The following CEP83 variants were observed in gnomAD, a reference collection of about 807,000 sequenced individuals.
The protein encoded by CEP83 is centrosomal protein of 83 kDa.
Under a neutral mutation model 101.9 loss-of-function variants are expected in CEP83, and 70 were observed. The ratio of observed to expected loss-of-function variants is 0.69; its 90% CI spans 0.57 to 0.84. The LOEUF is 0.84. Ranked by LOEUF, CEP83 falls within the 40% of genes least tolerant of loss-of-function variation. The pLI, the probability that CEP83 is intolerant of heterozygous loss-of-function variation, is 0.00. For synonymous variants in CEP83, 264 were observed against 267.9 expected (o/e 0.99, Z 0.14); for missense variants, 715 against 787.2 (o/e 0.91, Z 1.10).
intron 14 of CEP83, among the ~76,000 whole-genome samples, chr12:94,319,782 A>G (rs898403741): frequency 4.6e-5 from 7 of 152,124 alleles, no homozygotes; most frequent in African/African-American, 7.2e-5. Context: ...TGTGTGGTCA[A>G]TTTCAGAGTA....
the CEP83 span, among the ~76,000 whole-genome samples, chr12:94,271,558 T>G: frequency 6.6e-6 from 1 of 152,314 alleles, no homozygotes; most frequent in African/African-American, 2.4e-5. Context: ...CTGATAGTCT[T>G]GGGTTTGAAT....
the CEP83 span, chr12:94,277,891 C>G: frequency 2.2e-6 from 1 of 455,228 alleles, no homozygotes; most frequent in South Asian, 1.6e-5. Flanking sequence ...TTATTACACC[C>G]ATTTTTAAGT....
At chr12:94,382,894 GGT>G (rs2061928555) in intron 6 of CEP83, among the ~76,000 whole-genome samples, 1 of 151,912 alleles carries the variant, frequency 6.6e-6, no homozygotes, top group South Asian at 2.1e-4. Context: ...GATGGTTGAT[GGT>G]GTTATTGCGT....
chr12:94,306,922 A>C (rs1969086520), downstream of CEP83: 1 of 152,214 alleles, frequency 6.6e-6, no homozygotes, highest in Admixed American at 6.5e-5. Context: ...ACAGATCAGA[A>C]TAAAGGTGAG....
chr12:94,293,071 T>C, the CEP83 span, among the ~76,000 whole-genome samples: 1 of 152,208 alleles, frequency 6.6e-6, no homozygotes, highest in African/African-American at 2.4e-5. Flanking sequence ...TTTCAAGCTC[T>C]ATGTAAATGG....
At chr12:94,379,399 A>G (rs1347877063) in intron 6 of CEP83, among the ~76,000 whole-genome samples, 1 of 152,198 alleles carries the variant, frequency 6.6e-6, no homozygotes, top group Admixed American at 6.5e-5. Context: ...TGACTACTCC[A>G]AAGCTTTTCC....
At chr12:94,291,281 G>C in the CEP83 span, among the ~76,000 whole-genome samples, 1 of 152,230 alleles carries the variant, frequency 6.6e-6, no homozygotes, top group Non-Finnish European at 1.5e-5. Context: ...TGTTGCCCAG[G>C]CTGGAGTGCA....
At position 94,349,060 on chromosome 12, in the gene CEP83, T is replaced by C. The variant is rs140233164; in HGVS notation, c.1344-13396A>G. Among the ~76,000 whole-genome samples the C allele has an allele frequency of 7.8e-4, 119 of 152,042 alleles. 1 individual carries two copies. The East Asian group carries it at 0.022, about 28-fold the overall frequency. On this transcript the variant is annotated intron_variant, in intron 11 of 16. Coordinates refer to ENST00000397809, the MANE Select transcript of CEP83 (RefSeq NM_016122.3). ...CAGCACTTTGGGAGGCCGAGGTGGGTGGATCACCTGAGATCAGGAGTTCAA... is the reference window on the plus strand; with the variant it reads ...CAGCACTTTGGGAGGCCGAGGTGGGCGGATCACCTGAGATCAGGAGTTCAA...
At chr12:94,337,412 A>T (rs73370315) in intron 11 of CEP83, among the ~76,000 whole-genome samples, 17,114 of 152,152 alleles carry the variant, frequency 0.11, 1,611 homozygotes, top group African/African-American at 0.26. Context: ...TTTTTGGAGA[A>T]AATTAGTCCA....
intron 1 of CEP83, among the ~76,000 whole-genome samples, chr12:94,440,354 T>C (rs2066306874): frequency 1.3e-5 from 2 of 152,046 alleles, no homozygotes; most frequent in Admixed American, 1.3e-4. Flanking sequence ...GATACAAAAT[T>C]GATGTACACA....
At chr12:94,372,890 C>T (rs2061366774) in intron 8 of CEP83, among the ~76,000 whole-genome samples, 1 of 152,138 alleles carries the variant, frequency 6.6e-6, no homozygotes, top group Non-Finnish European at 1.5e-5. Context: ...TTTCTATTAT[C>T]CTAACATCAC....
chr12:94,370,678 T>C (rs2061261400), intron 8 of CEP83, among the ~76,000 whole-genome samples: 1 of 152,204 alleles, frequency 6.6e-6, no homozygotes, highest in Non-Finnish European at 1.5e-5. Context: ...GCACTTGGCC[T>C]GAAACCTTCC....
At chr12:94,455,766 C>T (rs964143073) in intron 1 of CEP83, among the ~76,000 whole-genome samples, 11 of 152,210 alleles carry the variant, frequency 7.2e-5, no homozygotes, top group South Asian at 2.1e-4. Context: ...AATAGTAGGC[C>T]GGGCGCATTG....
At chr12:94,351,286 TC>T (rs1391046282) in intron 11 of CEP83, among the ~76,000 whole-genome samples, 1 of 152,058 alleles carries the variant, frequency 6.6e-6, no homozygotes, top group Non-Finnish European at 1.5e-5. Flanking sequence ...AGGCCCTGAA[TC>T]CGGTACAGGG....
Position 94,375,744 on chromosome 12 carries a change from T to C in CEP83, c.933+142A>G, listed in dbSNP as rs148189298. 5.2e-4 allele frequency: 234 copies of C among 453,594 alleles called. 2 individuals are homozygous for C. In the East Asian group the frequency reaches 8.3e-3, roughly 16 times the overall value. 28.1% of individuals were successfully genotyped at this position (453,594 alleles called of 1,614,324 possible). A position where few individuals can be genotyped will look rare whatever the true frequency, so the allele number is the denominator to read the frequency against. Reference sequence around the variant, plus strand: ...AGAGGCATAAGATAACATACTCTACTGATCAATGTATTTATTTCTTAGAAG... The same window carrying C: ...AGAGGCATAAGATAACATACTCTACCGATCAATGTATTTATTTCTTAGAAG... On this transcript the variant is annotated intron_variant, in intron 8 of 16. Transcript: ENST00000397809.
the CEP83 span, among the ~76,000 whole-genome samples, chr12:94,273,758 G>C: frequency 6.6e-6 from 1 of 152,248 alleles, no homozygotes; most frequent in Non-Finnish European, 1.5e-5. Context: ...ATCAATAGAC[G>C]AATCTACCTC....
chr12:94,388,541 T>C (rs996757507), intron 6 of CEP83, among the ~76,000 whole-genome samples: 1 of 150,542 alleles, frequency 6.6e-6, no homozygotes, highest in African/African-American at 2.4e-5. Flanking sequence ...CTCAGCATCA[T>C]GCAATACACC....
At position 94,441,842 on chromosome 12, in the gene CEP83, G is replaced by A. The variant is rs543709586; in HGVS notation, c.-154-6515C>T. ...AGGCAGGAGAATGGTGTGAACCCAG[G>A]AGGCAGAGCTTGCAGTGAGCCGAGA... On this transcript the variant is annotated intron_variant, in intron 1 of 16. Transcript: ENST00000397809. Among the ~76,000 whole-genome samples, 29 of 148,184 alleles carry A rather than the reference G, an allele frequency of 2.0e-4. No homozygotes were observed. In the South Asian group the frequency reaches 5.8e-3, roughly 29 times the overall value.
chr12:94,304,765 G>A (rs928753336), downstream of CEP83, among the ~76,000 whole-genome samples: 3 of 152,154 alleles, frequency 2.0e-5, no homozygotes, highest in Non-Finnish European at 2.9e-5. Flanking sequence ...AGGGAAGCAC[G>A]AGGAGGGACT....
Sources: allele counts gnomAD v4.1 joint callset (sites outside exome capture counted in the v4.1 genomes callset), GRCh38; gene constraint gnomAD v4.1.1; transcripts MANE v1.5; gene names NCBI Gene and HGNC (gene_info 2026-07-23, HGNC 2026-07-21).